Variants in TTC5 observed in about 807,000 individuals in gnomAD.
The protein encoded by TTC5 is tetratricopeptide repeat protein 5.
A neutral mutation model predicts 57.4 loss-of-function variants in TTC5; 46 were observed. That is an observed-to-expected ratio of 0.80 (90% CI 0.63 to 1.03). The LOEUF (loss-of-function observed/expected upper bound fraction) is 1.03, where lower values mean the gene tolerates loss of function less well. Ranked by LOEUF, TTC5 falls within the 50% of genes least tolerant of loss-of-function variation. TTC5 has a pLI of 0.00. For synonymous variants in TTC5, 190 were observed against 203.5 expected (o/e 0.93, Z 0.57); for missense variants, 504 against 528.1 (o/e 0.95, Z 0.45).
chr14:20,286,831 T>C lies in TTC5; in HGVS notation c.*2796A>G, dbSNP rs1218516262. The C allele has an allele frequency of 1.3e-5, 2 of 151,892 alleles. No individual in the cohort carries two copies. The highest frequency in any genetic ancestry group is 2.9e-5 in the Non-Finnish European group (2 of 67,986). The allele number at this position is 151,892 out of a possible 1,614,324, so 9.4% of individuals were successfully genotyped here. A position where few individuals can be genotyped will look rare whatever the true frequency, so the allele number is the denominator to read the frequency against. On this transcript the variant is annotated 3_prime_UTR_variant, in exon 10 of 10. Coordinates refer to ENST00000258821, the MANE Select transcript of TTC5 (RefSeq NM_138376.3). ...ATCAATTTGACATCCAATACAGCAG[T>C]GTGCAAAGACTCGAATAGGCATTTT...
chr14:20,302,109 T>G (rs1882205700), intron 1 of TTC5, 144 bp from the exon 2 acceptor site: 2 of 898,410 alleles, frequency 2.2e-6, no homozygotes, highest in South Asian at 3.4e-5. Context: ...GTGGACAGGT[T>G]TACTAAAATG....
intron 2 of TTC5, 21 bp from the exon 3 acceptor site, chr14:20,300,839 T>C (rs774915075): frequency 1.3e-6 from 2 of 1,563,532 alleles, no homozygotes; most frequent in Non-Finnish European, 1.7e-6. Flanking sequence ...GAAAAAAAGA[T>C]AAAGTGGGAA....
chr14:20,300,590 G>T lies in TTC5; in HGVS notation c.396+17C>A. ...CCTTCCCATCTCTGCTTTCCAAAGG[G>T]ATAGGGGGCAGCTCACATGGGTGAG... On this transcript the variant is annotated intron_variant, in intron 3 of 9. Coordinates refer to ENST00000258821, the MANE Select transcript of TTC5 (RefSeq NM_138376.3). 1 of 1,602,050 alleles carries T rather than the reference G, an allele frequency of 6.2e-7. No individual in the cohort carries two copies. Among genetic ancestry groups the T allele is most frequent in the Non-Finnish European group, 8.5e-7 (1 of 1,176,674 alleles).
At chr14:20,303,946 T>C (rs1237954168) in intron 1 of TTC5, among the ~76,000 whole-genome samples, 1 of 152,256 alleles carries the variant, frequency 6.6e-6, no homozygotes, top group African/African-American at 2.4e-5. Flanking sequence ...ATCATTTAGA[T>C]CTTAGGTCAA....
chr14:20,291,351 C>T (rs1296564712), intron 9 of TTC5, among the ~76,000 whole-genome samples: 1 of 152,174 alleles, frequency 6.6e-6, no homozygotes, highest in African/African-American at 2.4e-5. Flanking sequence ...AGCCACCATG[C>T]CCAGCCTAGA....
At chr14:20,296,165 A>T (rs560838790) in intron 6 of TTC5, among the ~76,000 whole-genome samples, 1 of 152,220 alleles carries the variant, frequency 6.6e-6, no homozygotes, top group African/African-American at 2.4e-5. Context: ...AGATCCCCCC[A>T]TTCTCTACCT....
chr14:20,298,406 C>T (rs967165720), intron 5 of TTC5, among the ~76,000 whole-genome samples: 5 of 152,114 alleles, frequency 3.3e-5, no homozygotes, highest in Non-Finnish European at 7.3e-5. Context: ...GGGGATAGCA[C>T]TTAATTTACA....
In TTC5 at chr14:20,299,458, G is replaced by C. The variant is rs760958861; in HGVS notation, c.397-10C>G. ...AGACTTTGTTCCTGCACTGCAAATA[G>C]GAAGGGCACATACTCAATCTTCCTG... is the stretch of plus-strand genomic sequence containing the variant. On this transcript the variant is annotated splice_polypyrimidine_tract_variant and intron_variant, in intron 3 of 9. Transcript: ENST00000258821. The C allele has an allele frequency of 2.5e-6, 4 of 1,613,240 alleles. No homozygotes were observed. The South Asian group carries it at 4.4e-5, about 18-fold the overall frequency.
chr14:20,301,369 G>T (rs1882186953), intron 2 of TTC5, among the ~76,000 whole-genome samples: 1 of 152,188 alleles, frequency 6.6e-6, no homozygotes, highest in Admixed American at 6.5e-5. Context: ...CAAGTAATTA[G>T]TCAGAGATAA....
Position 20,288,209 on chromosome 14 carries a change from A to C in TTC5, c.*1418T>G, listed in dbSNP as rs898830428. The C allele has an allele frequency of 1.5e-5, 2 of 134,722 alleles. No individual in the cohort carries two copies. The highest frequency in any genetic ancestry group is 2.5e-5 in the African/African-American group (1 of 40,128). 8.3% of individuals were successfully genotyped at this position (134,722 alleles called of 1,614,324 possible). ...GATAGATAGATAGATAGATAGACAGATAGATAGATAAAACTTCTCTCATCA... is the reference window on the plus strand; with the variant it reads ...GATAGATAGATAGATAGATAGACAGCTAGATAGATAAAACTTCTCTCATCA... On this transcript the variant is annotated 3_prime_UTR_variant, in exon 10 of 10. Transcript: ENST00000258821.
chr14:20,295,034 A>G, intron 8 of TTC5: 1 of 365,082 alleles, frequency 2.7e-6, no homozygotes, highest in Non-Finnish European at 5.1e-6. Flanking sequence ...GTCTTATAAA[A>G]AAATATGTCC....
intron 1 of TTC5, among the ~76,000 whole-genome samples, chr14:20,304,015 C>T: frequency 6.6e-6 from 1 of 152,330 alleles, no homozygotes; most frequent in Non-Finnish European, 1.5e-5. Context: ...CATTCCTTCT[C>T]TCCTCTACTG....
In TTC5 at chr14:20,296,370, C is replaced by T. The variant is rs776662488; in HGVS notation, c.696+20G>A. 1 of 1,603,346 alleles carries T rather than the reference C, an allele frequency of 6.2e-7. No individual in the cohort carries two copies. Among genetic ancestry groups the T allele is most frequent in the Admixed American group, 1.7e-5 (1 of 59,946 alleles). On this transcript the variant is annotated intron_variant, in intron 6 of 9. Transcript: ENST00000258821. ...TCTTATTTATTTGACCCTCAGATGA[C>T]TACACCCCAAAGGTCTTACCGTCGC...
At chr14:20,293,979 G>A (rs939045271) in intron 8 of TTC5, 4 of 152,216 alleles carry the variant, frequency 2.6e-5, no homozygotes, top group Non-Finnish European at 4.4e-5. Context: ...GCATATAGGA[G>A]GCTGCCAAAG....
intron 9 of TTC5, among the ~76,000 whole-genome samples, chr14:20,290,905 C>T (rs1205765885): frequency 2.0e-5 from 3 of 152,126 alleles, no homozygotes; most frequent in Non-Finnish European, 4.4e-5. Flanking sequence ...CAAAAACAGC[C>T]ACAGACAATA....
chr14:20,289,544 C>A lies in TTC5; in HGVS notation c.*83G>T. On this transcript the variant is annotated 3_prime_UTR_variant, in exon 10 of 10. Coordinates refer to ENST00000258821, the MANE Select transcript of TTC5 (RefSeq NM_138376.3). ...ATTTAAAACATTCCTCCCATCCCTG[C>A]TGAATCACTGGATGTGGCTGGACCG... The A allele has an allele frequency of 6.7e-7, 1 of 1,501,114 alleles. No homozygotes were observed. Among genetic ancestry groups the A allele is most frequent in the Non-Finnish European group, 9.0e-7 (1 of 1,116,986 alleles). The allele number at this position is 1,501,114 out of a possible 1,614,324, so 93.0% of individuals were successfully genotyped here.
intron 8 of TTC5, chr14:20,294,444 C>T (rs188750970): frequency 6.6e-6 from 1 of 152,166 alleles, no homozygotes; most frequent in East Asian, 1.9e-4. Context: ...ATATACAAAC[C>T]CCTAGAAAAT....
chr14:20,302,973 C>T (rs11159867), intron 1 of TTC5, among the ~76,000 whole-genome samples: 82,390 of 151,602 alleles, frequency 0.54, 23,683 homozygotes, highest in East Asian at 0.66. Flanking sequence ...CCAAGGCAGA[C>T]GGATCATGAA....
Position 20,289,568 on chromosome 14 carries a change from C to A in TTC5, c.*59G>T. 1 of 1,547,778 alleles carries A rather than the reference C, an allele frequency of 6.5e-7. No individual in the cohort carries two copies. The highest frequency in any genetic ancestry group is 8.7e-7 in the Non-Finnish European group (1 of 1,146,262). ...GCTGAATCACTGGATGTGGCTGGAC[C>A]GGCTGTCCAGAGCCTTGTCTCCTCT... On this transcript the variant is annotated 3_prime_UTR_variant, in exon 10 of 10. Transcript: ENST00000258821.
Sources: allele counts gnomAD v4.1 joint callset (sites outside exome capture counted in the v4.1 genomes callset), GRCh38; gene constraint gnomAD v4.1.1; transcripts MANE v1.5; gene names NCBI Gene and HGNC (gene_info 2026-07-23, HGNC 2026-07-21).